NMT1: variants seen among roughly 807,000 people sequenced by gnomAD.
NMT1 encodes N-myristoyltransferase 1, also known as glycylpeptide N-tetradecanoyltransferase 1.
In NMT1, 12 loss-of-function variants were observed where a neutral mutation model predicts 63.4. That is an observed-to-expected ratio of 0.19 (90% CI 0.12 to 0.31). The LOEUF is 0.31. NMT1 is among the 10% of genes least tolerant of loss of function. The pLI, the probability that NMT1 is intolerant of heterozygous loss-of-function variation, is 1.00. For synonymous variants in NMT1, 228 were observed against 234.3 expected (o/e 0.97, Z 0.25); for missense variants, 432 against 634.6 (o/e 0.68, Z 3.43).
chr17:45,079,478 A>G (rs558762883), intron 1 of NMT1, among the ~76,000 whole-genome samples: 7 of 152,326 alleles, frequency 4.6e-5, no homozygotes, highest in South Asian at 4.1e-4. Flanking sequence ...TGGGAGTTCA[A>G]GGCAGCAGGA....
In NMT1 at chr17:45,103,950, G is replaced by A. The variant is rs112088161; in HGVS notation, c.1332+74G>A. On this transcript the variant is annotated intron_variant, in intron 10 of 11. Coordinates refer to ENST00000258960, the MANE Select transcript of NMT1 (RefSeq NM_021079.5). The surrounding 1 kb of genome is among the most constrained non-coding windows in gnomAD (Gnocchi z 4.8). ...TGGAGCCATGGTGAGCACAGCTCCC[G>A]GGACGCAGCCTCCCATGGGCTGGAG... The A allele has an allele frequency of 9.9e-5, 158 of 1,603,348 alleles. No homozygotes were observed. Among genetic ancestry groups the A allele is most frequent in the South Asian group, 1.2e-4 (11 of 90,908 alleles).
intron 2 of NMT1, among the ~76,000 whole-genome samples, chr17:45,082,190 T>G (rs950355239): frequency 6.6e-6 from 1 of 151,992 alleles, no homozygotes; most frequent in Non-Finnish European, 1.5e-5. Flanking sequence ...CACTGCAGCC[T>G]CCACTCCTGG....
At chr17:45,090,869 C>G (rs531598368) in intron 3 of NMT1, among the ~76,000 whole-genome samples, 18 of 152,166 alleles carry the variant, frequency 1.2e-4, no homozygotes, top group African/African-American at 4.3e-4. Context: ...TGCAGAGCAG[C>G]CTTCCACCCC....
chr17:45,092,663 T>G (rs1184055823), intron 3 of NMT1, among the ~76,000 whole-genome samples: 1 of 143,908 alleles, frequency 6.9e-6, no homozygotes, highest in African/African-American at 2.6e-5. Context: ...TGAGCCAAGA[T>G]CGCACCACTG....
At chr17:45,069,074 C>A (rs1567861331) in intron 1 of NMT1, among the ~76,000 whole-genome samples, 1 of 151,794 alleles carries the variant, frequency 6.6e-6, no homozygotes, top group Non-Finnish European at 1.5e-5. Flanking sequence ...GACTCTCCTG[C>A]GTCAGCCTCC....
In NMT1 at chr17:45,099,527, C is replaced by G; in HGVS notation, c.993+14C>G. The G allele has an allele frequency of 1.3e-6, 2 of 1,584,456 alleles. No homozygotes were observed. Among genetic ancestry groups the G allele is most frequent in the Non-Finnish European group, 1.7e-6 (2 of 1,152,934 alleles). On this transcript the variant is annotated intron_variant, in intron 8 of 11. Transcript: ENST00000258960. ...CGACTGCCAGAGGCCAGTGCTGCCCCGGGTGGTGGGCAGGGGGCAGAGAGA... is the reference window on the plus strand; with the variant it reads ...CGACTGCCAGAGGCCAGTGCTGCCCGGGGTGGTGGGCAGGGGGCAGAGAGA...
intron 2 of NMT1, among the ~76,000 whole-genome samples, 200 bp downstream of exon 2, chr17:45,081,952 G>A (rs1253203345): frequency 6.6e-6 from 1 of 152,176 alleles, no homozygotes; most frequent in African/African-American, 2.4e-5. Context: ...GACACAGCAG[G>A]TCAGACACTG....
Position 45,103,715 on chromosome 17 carries a change from A to G in NMT1, c.1171A>G (p.Asn391Asp). ...IIDTFVVENA[N>D]GEVTDFLSFY... Reference sequence around the variant, plus strand: ...TTTATTGCCTTCCCTTCAGAACGCAAACGGAGAGGTGACAGATTTCCTGAG... The same window carrying G: ...TTTATTGCCTTCCCTTCAGAACGCAGACGGAGAGGTGACAGATTTCCTGAG... Residue 391 changes from asparagine (N) to aspartate (D), a missense_variant, in exon 10 of 12, where the codon AAC becomes GAC. This residue lies in a region of NMT1 where 295 missense variants were observed against 489.7 expected (regional missense o/e 0.60). Coordinates refer to ENST00000258960, the MANE Select transcript of NMT1 (RefSeq NM_021079.5). This position sits in a 1 kb window ranked among gnomAD's most constrained non-coding sequence, Gnocchi z 4.8. The G allele has an allele frequency of 6.2e-7, 1 of 1,612,524 alleles. No homozygotes were observed. Among genetic ancestry groups the G allele is most frequent in the Non-Finnish European group, 8.5e-7 (1 of 1,179,102 alleles).
chr17:45,075,752 G>GGTTT (rs2053973427), intron 1 of NMT1, among the ~76,000 whole-genome samples: 1 of 152,034 alleles, frequency 6.6e-6, no homozygotes, highest in African/African-American at 2.4e-5. Flanking sequence ...GCTGGCAACA[G>GGTTT]AGCAAGACTC....
intron 1 of NMT1, among the ~76,000 whole-genome samples, chr17:45,074,595 G>A (rs966604930): frequency 2.0e-5 from 3 of 152,100 alleles, no homozygotes; most frequent in East Asian, 3.9e-4. Flanking sequence ...TTGCTAGGTT[G>A]GTCATTGATG....
chr17:45,072,347 C>T (rs947094950), intron 1 of NMT1, among the ~76,000 whole-genome samples: 4 of 151,640 alleles, frequency 2.6e-5, no homozygotes, highest in African/African-American at 9.7e-5. Context: ...GCAACCTCCC[C>T]CTCCCAGGTT....
rs1598021274 is a variant in NMT1 at position 45,104,446 on chromosome 17, G to A, written c.1333-413G>A. ...GTCATACAACATGAGGTGCACTGAG[G>A]GCCTGAGAGTTGGGGCATCCATGGA... is the stretch of plus-strand genomic sequence containing the variant. On this transcript the variant is annotated intron_variant, in intron 10 of 11. Coordinates refer to ENST00000258960, the MANE Select transcript of NMT1 (RefSeq NM_021079.5). The surrounding 1 kb of genome is among the most constrained non-coding windows in gnomAD (Gnocchi z 4.2). 9.1e-7 allele frequency: 1 copy of A among 1,094,544 alleles called. No individual in the cohort carries two copies. Among genetic ancestry groups the A allele is most frequent in the Non-Finnish European group, 1.1e-6 (1 of 896,062 alleles). 67.8% of individuals were successfully genotyped at this position (1,094,544 alleles called of 1,614,324 possible).
chr17:45,084,127 A>T (rs1228761441), intron 2 of NMT1, among the ~76,000 whole-genome samples: 1 of 152,232 alleles, frequency 6.6e-6, no homozygotes, highest in Non-Finnish European at 1.5e-5. Flanking sequence ...TGACAAATTT[A>T]AAACTTTGTA....
chr17:45,092,717 A>G (rs1039920302), intron 3 of NMT1, among the ~76,000 whole-genome samples: 6 of 103,048 alleles, frequency 5.8e-5, no homozygotes, highest in South Asian at 5.7e-4. Context: ...CAAAAAAAAA[A>G]AAAAGAAAAG....
chr17:45,080,499 C>T (rs1359240877), intron 1 of NMT1, among the ~76,000 whole-genome samples: 2 of 121,978 alleles, frequency 1.6e-5, no homozygotes, highest in African/African-American at 3.2e-5. Context: ...GACAGAGTCT[C>T]GCTTTGTCAC....
At position 45,103,018 on chromosome 17, in the gene NMT1, C is replaced by G. The variant is rs2143523454; in HGVS notation, c.1061C>G (p.Thr354Ser). ...KDIPVVHQLL[T>S]RYLKQFHLTP... ...ATTCCAGTAGTGCACCAGCTCCTCA[C>G]CAGGTACTTGAAGCAATTTCACCTT... Residue 354 changes from threonine to serine, a missense_variant, in exon 9 of 12, where the codon ACC becomes AGC. This residue lies in a region of NMT1 where 295 missense variants were observed against 489.7 expected (regional missense o/e 0.60). Coordinates refer to ENST00000258960, the MANE Select transcript of NMT1 (RefSeq NM_021079.5). The surrounding 1 kb of genome is among the most constrained non-coding windows in gnomAD (Gnocchi z 4.8). 6.2e-7 allele frequency: 1 copy of G among 1,614,048 alleles called. No individual in the cohort carries two copies. Among genetic ancestry groups the G allele is most frequent in the East Asian group, 2.2e-5 (1 of 44,868 alleles).
At chr17:45,080,237 A>G (rs962615307) in intron 1 of NMT1, among the ~76,000 whole-genome samples, 1 of 150,824 alleles carries the variant, frequency 6.6e-6, no homozygotes, top group African/African-American at 2.4e-5. Flanking sequence ...CTTGGCTCAC[A>G]ACAACCTCTG....
At position 45,104,546 on chromosome 17, in the gene NMT1, C is replaced by G; in HGVS notation, c.1333-313C>G. Reference sequence around the variant, plus strand: ...GAGGAATGGGCTCAGGGTTTGGACTCCAGAGAGGACTGTGGAAATTACTAG... The same window carrying G: ...GAGGAATGGGCTCAGGGTTTGGACTGCAGAGAGGACTGTGGAAATTACTAG... On this transcript the variant is annotated intron_variant, in intron 10 of 11. Transcript: ENST00000258960. The surrounding 1 kb of genome is among the most constrained non-coding windows in gnomAD (Gnocchi z 4.2). 8.6e-7 allele frequency: 1 copy of G among 1,162,120 alleles called. No individual in the cohort carries two copies. Among genetic ancestry groups the G allele is most frequent in the East Asian group, 4.9e-5 (1 of 20,402 alleles). The allele number at this position is 1,162,120 out of a possible 1,614,324, so 72.0% of individuals were successfully genotyped here.
chr17:45,072,362 C>T (rs1405750005), intron 1 of NMT1, among the ~76,000 whole-genome samples: 2 of 151,212 alleles, frequency 1.3e-5, no homozygotes, highest in African/African-American at 4.9e-5. Flanking sequence ...CAGGTTCAAG[C>T]GATTCTTCTG....
Sources: allele counts gnomAD v4.1 joint callset (sites outside exome capture counted in the v4.1 genomes callset), GRCh38; gene constraint gnomAD v4.1.1; regional missense constraint gnomAD v4.1.1; non-coding constraint Gnocchi (gnomAD v3.1); transcripts MANE v1.5; gene names NCBI Gene and HGNC (gene_info 2026-07-23, HGNC 2026-07-21).